Variants in ARHGEF3 observed in about 807,000 individuals in gnomAD.
ARHGEF3 encodes the protein Rho guanine nucleotide exchange factor 3, also known as 59.8 kDA protein.
ARHGEF3 carries 28 observed loss-of-function variants against 63.2 expected under a neutral mutation model. That is an observed-to-expected ratio of 0.44 (90% CI 0.33 to 0.61). The LOEUF is 0.61. Ranked by LOEUF, ARHGEF3 falls within the 20% of genes least tolerant of loss-of-function variation. ARHGEF3 has a pLI of 0.03. For missense variants in ARHGEF3, 533 were observed against 659.3 expected (o/e 0.81, Z 2.10); for synonymous variants, 266 against 254.2 (o/e 1.05, Z -0.44).
chr3:56,900,419 G>T (rs1047439728), intron 3 of ARHGEF3, among the ~76,000 whole-genome samples: 5 of 152,194 alleles, frequency 3.3e-5, no homozygotes, highest in African/African-American at 1.2e-4. Flanking sequence ...AGGATTCCTT[G>T]AAACCAGCCA....
intron 7 of ARHGEF3, among the ~76,000 whole-genome samples, chr3:56,740,011 T>C (rs912851419): frequency 1.3e-5 from 2 of 151,942 alleles, no homozygotes; most frequent in Admixed American, 6.6e-5. Context: ...GCGATTCTCC[T>C]GCCTCAGCCT....
chr3:56,780,297 G>A (rs1035269527), intron 1 of ARHGEF3, among the ~76,000 whole-genome samples: 2 of 152,176 alleles, frequency 1.3e-5, no homozygotes, highest in Non-Finnish European at 2.9e-5. Context: ...CTAAGAACAG[G>A]TGAGCTTATC....
chr3:56,879,304 C>A (rs1398725643), intron 4 of ARHGEF3, among the ~76,000 whole-genome samples: 1 of 152,190 alleles, frequency 6.6e-6, no homozygotes, highest in Non-Finnish European at 1.5e-5. Flanking sequence ...AGGGCACTTA[C>A]TTTTTAATCA....
At chr3:56,842,781 C>A (rs1422691610) in intron 4 of ARHGEF3, among the ~76,000 whole-genome samples, 1 of 152,186 alleles carries the variant, frequency 6.6e-6, no homozygotes, top group Non-Finnish European at 1.5e-5. Flanking sequence ...TGAGCAGGCG[C>A]CCCATTCAGA....
At chr3:56,962,096 C>G (rs1038092806) in intron 2 of ARHGEF3, among the ~76,000 whole-genome samples, 1 of 152,154 alleles carries the variant, frequency 6.6e-6, no homozygotes, top group African/African-American at 2.4e-5. Context: ...ATAATAGCCT[C>G]CTGATAATTT....
chr3:56,753,954 G>A (rs2107766714), intron 3 of ARHGEF3, among the ~76,000 whole-genome samples: 1 of 152,350 alleles, frequency 6.6e-6, no homozygotes, highest in South Asian at 2.1e-4. Context: ...GATAATGGAT[G>A]TGGCAGTATT....
At chr3:56,969,616 CA>C (rs1700817764) in intron 2 of ARHGEF3, among the ~76,000 whole-genome samples, 1 of 151,776 alleles carries the variant, frequency 6.6e-6, no homozygotes. Flanking sequence ...ACTAAAAATA[CA>C]AAAATTAGCT....
At chr3:56,996,065 A>G (rs994783796) in intron 2 of ARHGEF3, among the ~76,000 whole-genome samples, 1 of 152,184 alleles carries the variant, frequency 6.6e-6, no homozygotes, top group South Asian at 2.1e-4. Context: ...CTCCAAGCAC[A>G]GCCCCCATGA....
intron 3 of ARHGEF3, among the ~76,000 whole-genome samples, chr3:56,934,291 T>C (rs2042491022): frequency 6.6e-6 from 1 of 152,228 alleles, no homozygotes; most frequent in African/African-American, 2.4e-5. Flanking sequence ...TACTGAGACG[T>C]GACAGCGTGC....
chr3:56,794,934 T>C (rs1248730926), intron 1 of ARHGEF3, among the ~76,000 whole-genome samples: 1 of 152,120 alleles, frequency 6.6e-6, no homozygotes, highest in Non-Finnish European at 1.5e-5. Context: ...TCTCAGCTCA[T>C]TGCAGCCTCA....
intron 2 of ARHGEF3, among the ~76,000 whole-genome samples, chr3:57,016,636 G>C (rs1166411831): frequency 6.6e-6 from 1 of 152,014 alleles, no homozygotes; most frequent in Non-Finnish European, 1.5e-5. Context: ...CGAATGTGTG[G>C]AGAGTTTTTC....
rs962488032 is a variant in ARHGEF3, at chr3:56,988,383, G to A, written c.63-29494C>T. Among the ~76,000 whole-genome samples the A allele has an allele frequency of 5.3e-5, 8 of 152,090 alleles. No individual in the cohort carries two copies. The East Asian group carries it at 5.8e-4, about 11-fold the overall frequency. On this transcript the variant is annotated intron_variant, in intron 2 of 12. Transcript: ENST00000338458. ...AGGCTGGTCTTGAACTCCTAATCTC[G>A]TGATCCACCCGCTTCGGCCTCCCAA...
At chr3:57,025,083 T>A (rs960568924) in intron 2 of ARHGEF3, among the ~76,000 whole-genome samples, 3 of 152,150 alleles carry the variant, frequency 2.0e-5, no homozygotes, top group African/African-American at 7.2e-5. Flanking sequence ...ACACAGAACG[T>A]GGATCTGACT....
At chr3:56,852,895 T>G (rs887486752) in intron 4 of ARHGEF3, among the ~76,000 whole-genome samples, 2 of 152,176 alleles carry the variant, frequency 1.3e-5, no homozygotes, top group Admixed American at 6.5e-5. Context: ...AAAAGGAACC[T>G]TGTCTGCTCG....
At chr3:56,949,570 C>A (rs1699697915) in intron 3 of ARHGEF3, among the ~76,000 whole-genome samples, 2 of 151,924 alleles carry the variant, frequency 1.3e-5, no homozygotes, top group African/African-American at 4.8e-5. Flanking sequence ...ATCCAACTTA[C>A]AAGGGACGTG....
chr3:56,785,517 C>T (rs1180556839), intron 1 of ARHGEF3, among the ~76,000 whole-genome samples: 1 of 152,172 alleles, frequency 6.6e-6, no homozygotes, highest in East Asian at 1.9e-4. Context: ...TCATTCAACC[C>T]ATGTCGGATG....
chr3:56,915,455 G>T (rs1043744473), intron 3 of ARHGEF3, among the ~76,000 whole-genome samples: 2 of 152,102 alleles, frequency 1.3e-5, no homozygotes, highest in Non-Finnish European at 2.9e-5. Flanking sequence ...GACAGAGCAA[G>T]ATTCTGTCTC....
intron 3 of ARHGEF3, among the ~76,000 whole-genome samples, chr3:56,905,496 T>C (rs972090415): frequency 6.6e-6 from 1 of 152,268 alleles, no homozygotes; most frequent in Admixed American, 6.5e-5. Flanking sequence ...TGACTGAGTA[T>C]GTATGTAGTT....
chr3:56,788,616 C>T (rs565890483), intron 1 of ARHGEF3, among the ~76,000 whole-genome samples: 2 of 152,088 alleles, frequency 1.3e-5, no homozygotes, highest in East Asian at 3.9e-4. Context: ...TCAAAGCAAC[C>T]TAATCCACCC....
Sources: gnomAD v4.1 joint callset for allele counts (sites outside exome capture counted in the v4.1 genomes callset) on GRCh38, gnomAD v4.1.1 for gene constraint, MANE v1.5 for transcripts, NCBI Gene and HGNC (gene_info 2026-07-23, HGNC 2026-07-21) for gene names.